The following CCDC80 variants were observed in gnomAD, a reference collection of about 807,000 sequenced individuals.
CCDC80 encodes coiled-coil domain containing 80, also known as coiled-coil domain-containing protein 80.
In CCDC80, 49 loss-of-function variants were observed where a neutral mutation model predicts 78.7. That is an observed-to-expected ratio of 0.62 (90% confidence interval 0.50 to 0.79). The LOEUF is 0.79. CCDC80 is among the 30% of genes least tolerant of loss of function. CCDC80 has a pLI of 0.00. For synonymous variants in CCDC80, 488 were observed against 447.0 expected, an observed-to-expected ratio of 1.09 and a Z score of -1.16; for missense variants, 1,205 against 1,198.6, an observed-to-expected ratio of 1.01 and a Z score of -0.08.
At chr3:112,616,433 A>AG (rs1286503333) in intron 5 of CCDC80, among the ~76,000 whole-genome samples, 1 of 96,950 alleles carries the variant, frequency 1.0e-5, no homozygotes, top group African/African-American at 7.0e-5. Context: ...CCAAAGAAAG[A>AG]GAAAAAAAAA....
rs11715976 is a variant in CCDC80, at chr3:112,603,155, G to A, written c.*2262C>T. ...AAAGCCTGAATGACAGCATGTCTATGGACAGCATGGTTTACTGGACATTTT... is the reference window on the plus strand; with the variant it reads ...AAAGCCTGAATGACAGCATGTCTATAGACAGCATGGTTTACTGGACATTTT... On this transcript the variant is annotated 3_prime_UTR_variant, in exon 8 of 8. Transcript: ENST00000206423. The A allele has an allele frequency of 6.6e-6, 1 of 152,118 alleles. No individual in the cohort carries two copies. Among genetic ancestry groups the A allele is most frequent in the Non-Finnish European group, 1.5e-5 (1 of 68,020 alleles). 9.4% of individuals were successfully genotyped at this position (152,118 alleles called of 1,614,324 possible).
intron 6 of CCDC80, among the ~76,000 whole-genome samples, chr3:112,609,347 G>A (rs529425285): frequency 6.6e-6 from 1 of 152,270 alleles, no homozygotes; most frequent in South Asian, 2.1e-4. Context: ...AATTCTGAGC[G>A]ATTCACTACA....
At chr3:112,624,015 GTTCCTAGCATACAA>G (rs1935917258) in intron 3 of CCDC80, among the ~76,000 whole-genome samples, 1 of 152,152 alleles carries the variant, frequency 6.6e-6, no homozygotes, top group Non-Finnish European at 1.5e-5. Flanking sequence ...GGCTGGCACA[GTTCCTAGCATACAA>G]CCCCAGCATT....
At position 112,638,746 on chromosome 3, in the gene CCDC80, G is replaced by C. The variant is rs1287031771; in HGVS notation, c.1160C>G (p.Pro387Arg). The C allele has an allele frequency of 6.2e-7, 1 of 1,613,892 alleles. No individual in the cohort carries two copies. Among genetic ancestry groups the C allele is most frequent in the South Asian group, 1.1e-5 (1 of 91,070 alleles). The change falls in exon 2 of 8, where the codon CCC becomes CGC. Residue 387 changes from proline to arginine, a missense_variant. By Grantham distance (103) the Pro-to-Arg change is moderately radical. Coordinates refer to ENST00000206423, the MANE Select transcript of CCDC80 (RefSeq NM_199511.3). Reference protein sequence around the residue: ...TTTAFPTTQRPWTPSPSHRPP... With the variant: ...TTTAFPTTQRRWTPSPSHRPP... ...CCTGTGGGAGGGTGAGGGGGTCCAGGGCCTCTGCGTGGTGGGAAAGGCAGT... is the reference window on the plus strand; with the variant it reads ...CCTGTGGGAGGGTGAGGGGGTCCAGCGCCTCTGCGTGGTGGGAAAGGCAGT...
Position 112,607,162 on chromosome 3 carries a change from T to C in CCDC80, c.2506+14A>G, listed in dbSNP as rs767301581. 1.9e-6 allele frequency: 3 copies of C among 1,587,286 alleles called. No individual in the cohort carries two copies. Among genetic ancestry groups the C allele is most frequent in the South Asian group, 1.1e-5 (1 of 88,672 alleles). ...AACACTAGTTCATACTGTTTCAAGA[T>C]AACAACACATTACCATTAATTGGGA... On this transcript the variant is annotated intron_variant, in intron 7 of 7. Coordinates refer to ENST00000206423, the MANE Select transcript of CCDC80 (RefSeq NM_199511.3).
intron 3 of CCDC80, among the ~76,000 whole-genome samples, chr3:112,619,893 G>A (rs949186928): frequency 1.3e-5 from 2 of 152,142 alleles, no homozygotes; most frequent in Admixed American, 1.3e-4. Flanking sequence ...GGACAGAAGA[G>A]CTTTATTTAC....
In CCDC80 at chr3:112,604,560, T is replaced by G. The variant is rs1025236373; in HGVS notation, c.*857A>C. 3.3e-5 allele frequency: 5 copies of G among 152,246 alleles called. No individual in the cohort carries two copies. The highest frequency in any genetic ancestry group is 1.2e-4 in the African/African-American group (5 of 41,430). The allele number at this position is 152,246 out of a possible 1,614,324, so 9.4% of individuals were successfully genotyped here. ...TTTATATGCACTGAGAAACCAAAAA[T>G]TTTGTGTGACTCACTTTATTGCGAT... On this transcript the variant is annotated 3_prime_UTR_variant, in exon 8 of 8. Coordinates refer to ENST00000206423, the MANE Select transcript of CCDC80 (RefSeq NM_199511.3).
Position 112,602,831 on chromosome 3 carries a change from G to C in CCDC80, c.*2586C>G, listed in dbSNP as rs746525241. ...AATGTTGATGTAGAAGCTGCAGTAA[G>C]TTATCCAGAAGATCTAGTTAAGATA... On this transcript the variant is annotated 3_prime_UTR_variant, in exon 8 of 8. Transcript: ENST00000206423. The C allele has an allele frequency of 2.6e-5, 4 of 152,236 alleles. No homozygotes were observed. Among genetic ancestry groups the C allele is most frequent in the African/African-American group, 9.6e-5 (4 of 41,454 alleles). The allele number at this position is 152,236 out of a possible 1,614,324, so 9.4% of individuals were successfully genotyped here. A position where few individuals can be genotyped will look rare whatever the true frequency, so the allele number is the denominator to read the frequency against.
Position 112,605,544 on chromosome 3 carries a change from A to G in CCDC80, c.2726T>C (p.Leu909Pro). ...CTCATCTTCTGGGCAGCGCATCCCCAGTGACTGCTGAATCGCCATTTCCTG... is the reference window on the plus strand; with the variant it reads ...CTCATCTTCTGGGCAGCGCATCCCCGGTGACTGCTGAATCGCCATTTCCTG... ...RRQEMAIQQSLGMRCPEDEYA... is the reference protein window; with the variant it reads ...RRQEMAIQQSPGMRCPEDEYA... The change falls in exon 8 of 8, where the codon CTG becomes CCG. Residue 909 changes from leucine (L) to proline (P), a missense_variant. Transcript: ENST00000206423. The G allele has an allele frequency of 1.9e-6, 3 of 1,614,190 alleles. No individual in the cohort carries two copies. Among genetic ancestry groups the G allele is most frequent in the Non-Finnish European group, 2.5e-6 (3 of 1,180,034 alleles).
intron 2 of CCDC80, among the ~76,000 whole-genome samples, chr3:112,635,641 T>C (rs959360145): frequency 2.0e-5 from 3 of 152,244 alleles, no homozygotes; most frequent in Admixed American, 1.3e-4. Context: ...GACACATTTC[T>C]GATATGATCA....
intron 4 of CCDC80, among the ~76,000 whole-genome samples, chr3:112,617,426 G>A (rs1027004643): frequency 6.6e-6 from 1 of 152,192 alleles, no homozygotes; most frequent in Admixed American, 6.5e-5. Context: ...ACAGCTGCCT[G>A]GACTTACAAA....
rs1935809447 is a variant in CCDC80, at chr3:112,619,000, T to G, written c.2140A>C (p.Met714Leu). Residue 714 changes from methionine (M) to leucine (L), a missense_variant, in exon 4 of 8, where the codon ATG (methionine) becomes CTG (leucine). By Grantham distance (15) the Met-to-Leu change is conservative (BLOSUM62 2). Transcript: ENST00000206423. The part of the protein sequence containing the change: ...EYGMTYNDFF[M>L]VLTDVDLRVK... ...CTCAGATCCACATCTGTTAGCACCA[T>G]GAAGAAGTCATTGTAGGTCATTCCG... is the stretch of plus-strand genomic sequence containing the variant. The G allele has an allele frequency of 1.2e-6, 2 of 1,613,892 alleles. No homozygotes were observed. Among genetic ancestry groups the G allele is most frequent in the Non-Finnish European group, 1.7e-6 (2 of 1,179,986 alleles).
intron 5 of CCDC80, among the ~76,000 whole-genome samples, chr3:112,616,449 G>GAAAAAAAAAAAAAAAAAAAAAAAA (rs59366104): frequency 7.5e-6 from 1 of 133,652 alleles, no homozygotes; most frequent in Non-Finnish European, 1.6e-5. Context: ...AAAAAGAAAA[G>GAAAAAAAAAAAAAAAAAAAAAAAA]AAAAAAAAAA....
chr3:112,632,800 C>G (rs1181056001), intron 2 of CCDC80, among the ~76,000 whole-genome samples: 1 of 152,172 alleles, frequency 6.6e-6, no homozygotes, highest in Non-Finnish European at 1.5e-5. Context: ...GGGTGACATT[C>G]GTTTTGCAGG....
chr3:112,597,355 C>T lies in CCDC80; in HGVS notation c.*8062G>A, dbSNP rs751908037. 4 of 152,190 alleles carry T rather than the reference C, an allele frequency of 2.6e-5. No homozygotes were observed. The highest frequency in any genetic ancestry group is 4.4e-5 in the Non-Finnish European group (3 of 68,022). The allele number at this position is 152,190 out of a possible 1,614,324, so 9.4% of individuals were successfully genotyped here. ...GCCTCTTAGCCGGAGCTGATCCTTA[C>T]ATGGGCAGTAGACTATAAGTGTGTT... is the stretch of plus-strand genomic sequence containing the variant. On this transcript the variant is annotated 3_prime_UTR_variant, in exon 8 of 8. Coordinates refer to ENST00000206423, the MANE Select transcript of CCDC80 (RefSeq NM_199511.3).
At position 112,600,201 on chromosome 3, in the gene CCDC80, A is replaced by G. The variant is rs532419897; in HGVS notation, c.*5216T>C. The G allele has an allele frequency of 9.8e-5, 15 of 152,322 alleles. No individual in the cohort carries two copies. The highest frequency in any genetic ancestry group is 3.6e-4 in the African/African-American group (15 of 41,570). 9.4% of individuals were successfully genotyped at this position (152,322 alleles called of 1,614,324 possible). On this transcript the variant is annotated 3_prime_UTR_variant, in exon 8 of 8. Coordinates refer to ENST00000206423, the MANE Select transcript of CCDC80 (RefSeq NM_199511.3). Reference sequence around the variant, plus strand: ...TTATAGGCTTTGAGGACATTCACCAATAGCATCCTCCTCTGAATGTATTTT... The same window carrying G: ...TTATAGGCTTTGAGGACATTCACCAGTAGCATCCTCCTCTGAATGTATTTT...
chr3:112,627,133 C>A (rs1270681786), intron 3 of CCDC80, among the ~76,000 whole-genome samples: 1 of 152,144 alleles, frequency 6.6e-6, no homozygotes, highest in Non-Finnish European at 1.5e-5. Context: ...CATTTCCCCC[C>A]ACTTCTTTTT....
At chr3:112,633,299 C>T (rs1936135498) in intron 2 of CCDC80, among the ~76,000 whole-genome samples, 3 of 152,168 alleles carry the variant, frequency 2.0e-5, no homozygotes. Context: ...ACTCCTTCTA[C>T]CTCAGAAACC....
intron 5 of CCDC80, among the ~76,000 whole-genome samples, chr3:112,613,073 C>G (rs1935664716): frequency 6.6e-6 from 1 of 152,006 alleles, no homozygotes; most frequent in Non-Finnish European, 1.5e-5. Context: ...TGAATGTACC[C>G]TTCACAACAA....
Sources: gnomAD v4.1 joint callset for allele counts (sites outside exome capture counted in the v4.1 genomes callset) on GRCh38, gnomAD v4.1.1 for gene constraint, MANE v1.5 for transcripts, NCBI Gene and HGNC (gene_info 2026-07-23, HGNC 2026-07-21) for gene names.